SCAPER: variants seen among roughly 807,000 people sequenced by gnomAD.
The protein encoded by SCAPER is S phase cyclin A-associated protein in the endoplasmic reticulum.
In SCAPER, 98 loss-of-function variants were observed where a neutral mutation model predicts 182.2. The ratio of observed to expected loss-of-function variants is 0.54; its 90% CI spans 0.46 to 0.64. SCAPER has a LOEUF of 0.64. SCAPER is among the 30% of genes least tolerant of loss of function. SCAPER has a pLI of 0.00. For missense variants in SCAPER, 1,432 were observed against 1,690.0 expected (o/e 0.85, Z 2.68); for synonymous variants, 605 against 564.6 (o/e 1.07, Z -1.01).
chr15:76,450,673 C>A (rs2048315613), intron 25 of SCAPER, among the ~76,000 whole-genome samples: 1 of 152,162 alleles, frequency 6.6e-6, no homozygotes, highest in Admixed American at 6.5e-5. Context: ...CGTGCCTCAG[C>A]CTCCTGAGTA....
At chr15:76,420,243 T>TCC in intron 26 of SCAPER, among the ~76,000 whole-genome samples, 1 of 148,566 alleles carries the variant, frequency 6.7e-6, no homozygotes, top group Non-Finnish European at 1.5e-5. Flanking sequence ...TCCTTTTTTT[T>TCC]TTTTTTTTTT....
chr15:76,794,975 A>G (rs1359992736), intron 8 of SCAPER, among the ~76,000 whole-genome samples: 2 of 152,208 alleles, frequency 1.3e-5, no homozygotes, highest in African/African-American at 4.8e-5. Context: ...AGACTAAATT[A>G]GGCTTTTTTG....
chr15:76,636,351 T>C (rs2053601426), intron 21 of SCAPER, among the ~76,000 whole-genome samples: 1 of 151,856 alleles, frequency 6.6e-6, no homozygotes, highest in African/African-American at 2.4e-5. Flanking sequence ...TCCCTAGAGA[T>C]CTCTATTTCT....
In SCAPER at chr15:76,771,989, A is replaced by T. The variant is rs555841390; in HGVS notation, c.1036-35T>A. 2.5e-5 allele frequency: 37 copies of T among 1,466,280 alleles called. No individual in the cohort carries two copies. The African/African-American group carries it at 4.2e-4, about 17-fold the overall frequency. 90.8% of individuals were successfully genotyped at this position (1,466,280 alleles called of 1,614,324 possible). A position where few individuals can be genotyped will look rare whatever the true frequency, so the allele number is the denominator to read the frequency against. On this transcript the variant is annotated intron_variant, in intron 9 of 31. Transcript: ENST00000563290. ...CGTAGAGAATGAATCAGAGATAATT[A>T]AAAAATACCAACTATTCCACTTTAG...
At chr15:76,446,525 A>G (rs2048012132) in intron 25 of SCAPER, among the ~76,000 whole-genome samples, 1 of 152,182 alleles carries the variant, frequency 6.6e-6, no homozygotes, top group African/African-American at 2.4e-5. Flanking sequence ...ACAAGTATCT[A>G]TTATTTTCTC....
chr15:76,896,775 C>G (rs2074454463), intron 1 of SCAPER, among the ~76,000 whole-genome samples: 1 of 151,926 alleles, frequency 6.6e-6, no homozygotes, highest in African/African-American at 2.4e-5. Context: ...ATAATACCAG[C>G]AATCCAACAA....
chr15:76,833,351 C>G (rs2068667772), intron 5 of SCAPER, among the ~76,000 whole-genome samples: 1 of 152,106 alleles, frequency 6.6e-6, no homozygotes, highest in Non-Finnish European at 1.5e-5. Flanking sequence ...ACCATCAGAC[C>G]TGCCTTAAAA....
chr15:76,730,055 T>G (rs750330257), intron 16 of SCAPER, among the ~76,000 whole-genome samples: 1 of 152,198 alleles, frequency 6.6e-6, no homozygotes, highest in Non-Finnish European at 1.5e-5. Flanking sequence ...AGATGTAAAT[T>G]ATTAATTACA....
chr15:76,547,207 AT>A (rs1220088266), intron 23 of SCAPER, among the ~76,000 whole-genome samples: 1 of 152,124 alleles, frequency 6.6e-6, no homozygotes, highest in African/African-American at 2.4e-5. Flanking sequence ...CATATTTAGT[AT>A]TTTGAACTTT....
chr15:76,459,891 T>C (rs1405869814), intron 25 of SCAPER, among the ~76,000 whole-genome samples: 1 of 152,122 alleles, frequency 6.6e-6, no homozygotes, highest in Admixed American at 6.5e-5. Flanking sequence ...CTGCATGTGG[T>C]TATCCAGTTT....
intron 2 of SCAPER, among the ~76,000 whole-genome samples, chr15:76,879,889 A>C (rs2073422956): frequency 6.6e-6 from 1 of 152,074 alleles, no homozygotes; most frequent in Non-Finnish European, 1.5e-5. Flanking sequence ...TAATGTGTTT[A>C]CTCTGTCTTC....
intron 25 of SCAPER, among the ~76,000 whole-genome samples, chr15:76,448,013 A>C (rs901319524): frequency 6.6e-6 from 1 of 152,156 alleles, no homozygotes; most frequent in African/African-American, 2.4e-5. Context: ...ACACATGAGG[A>C]AACAGCATGA....
At chr15:76,501,655 A>C (rs191893141) in intron 24 of SCAPER, among the ~76,000 whole-genome samples, 2 of 152,350 alleles carry the variant, frequency 1.3e-5, no homozygotes, top group Admixed American at 1.3e-4. Context: ...AGGATATTCT[A>C]AACTAGCCTC....
chr15:76,604,756 GGATTCCTA>G (rs2050223484), intron 22 of SCAPER, among the ~76,000 whole-genome samples: 1 of 151,730 alleles, frequency 6.6e-6, no homozygotes, highest in East Asian at 1.9e-4. Flanking sequence ...CTTGTAAGTT[GGATTCCTA>G]GGTATTTTAT....
At chr15:76,531,684 G>T (rs533676746) in intron 23 of SCAPER, among the ~76,000 whole-genome samples, 1 of 152,216 alleles carries the variant, frequency 6.6e-6, no homozygotes, top group African/African-American at 2.4e-5. Context: ...GGCACACAGT[G>T]TTAATTATGA....
rs906421235 is a variant in SCAPER, at chr15:76,348,472, G to A, written c.*161C>T. The A allele has an allele frequency of 1.5e-5, 7 of 454,726 alleles. No homozygotes were observed. The highest frequency in any genetic ancestry group is 2.4e-5 in the Non-Finnish European group (6 of 253,180). 28.2% of individuals were successfully genotyped at this position (454,726 alleles called of 1,614,324 possible). A position where few individuals can be genotyped will look rare whatever the true frequency, so the allele number is the denominator to read the frequency against. On this transcript the variant is annotated 3_prime_UTR_variant, in exon 32 of 32. Coordinates refer to ENST00000563290, the MANE Select transcript of SCAPER (RefSeq NM_020843.4). ...CAAAATTAGCAAGTAGAACATTCAA[G>A]TATCTACAGTCATTATAAATAGTGT...
chr15:76,746,409 T>C (rs1212776618), intron 15 of SCAPER, among the ~76,000 whole-genome samples: 1 of 146,422 alleles, frequency 6.8e-6, no homozygotes, highest in Admixed American at 6.8e-5. Flanking sequence ...ATGAAAACTC[T>C]ACACTTAACA....
intron 14 of SCAPER, among the ~76,000 whole-genome samples, chr15:76,759,801 C>A (rs1226287231): frequency 6.6e-6 from 1 of 152,042 alleles, no homozygotes; most frequent in Non-Finnish European, 1.5e-5. Flanking sequence ...TACTTACATT[C>A]CAGAGATAAA....
At chr15:76,375,291 T>G (rs1329237156) in intron 29 of SCAPER, among the ~76,000 whole-genome samples, 1 of 149,634 alleles carries the variant, frequency 6.7e-6, no homozygotes, top group African/African-American at 2.5e-5. Flanking sequence ...TTTAAATCTA[T>G]GAAATCTTGC....
Sources: allele counts gnomAD v4.1 joint callset (sites outside exome capture counted in the v4.1 genomes callset), GRCh38; gene constraint gnomAD v4.1.1; transcripts MANE v1.5; gene names NCBI Gene and HGNC (gene_info 2026-07-23, HGNC 2026-07-21).